ELOVL2: variants seen among roughly 807,000 people sequenced by gnomAD.
The protein encoded by ELOVL2 is very long chain fatty acid elongase 2.
A neutral mutation model predicts 37.7 loss-of-function variants in ELOVL2; 38 were observed. That is an observed-to-expected ratio of 1.01 (90% CI 0.78 to 1.32). The LOEUF (loss-of-function observed/expected upper bound fraction) is 1.32, where lower values mean the gene tolerates loss of function less well. ELOVL2 is among the 40% of genes most tolerant of loss of function. The pLI, the probability that ELOVL2 is intolerant of heterozygous loss-of-function variation, is 0.00. For synonymous variants in ELOVL2, 115 were observed against 122.3 expected (o/e 0.94, Z 0.40); for missense variants, 352 against 363.6 (o/e 0.97, Z 0.26).
intron 4 of ELOVL2, among the ~76,000 whole-genome samples, chr6:10,997,985 T>G (rs141447641): frequency 8.7e-4 from 133 of 152,210 alleles, no homozygotes; most frequent in African/African-American, 2.9e-3. Flanking sequence ...TGGGAGGTGT[T>G]TGTTTGGGTC....
At chr6:10,993,737 G>C (rs931152256) in intron 5 of ELOVL2, among the ~76,000 whole-genome samples, 3 of 151,988 alleles carry the variant, frequency 2.0e-5, no homozygotes, top group African/African-American at 7.3e-5. Context: ...TCCCAGGCTG[G>C]AGTGCAGTGG....
Position 10,981,946 on chromosome 6 carries a change from T to C in ELOVL2, c.*1835A>G, listed in dbSNP as rs1781942312. 6.6e-6 allele frequency: 1 copy of C among 152,250 alleles called. No individual in the cohort carries two copies. Among genetic ancestry groups the C allele is most frequent in the African/African-American group, 2.4e-5 (1 of 41,464 alleles). 9.4% of individuals were successfully genotyped at this position (152,250 alleles called of 1,614,324 possible). A position where few individuals can be genotyped will look rare whatever the true frequency, so the allele number is the denominator to read the frequency against. On this transcript the variant is annotated 3_prime_UTR_variant, in exon 8 of 8. Transcript: ENST00000354666. The stretch of plus-strand genomic sequence containing the variant: ...AGCCATTAACAGTCATGCTTGAAGC[T>C]AGCCCTTGTTTTAAAATAAATTGCT...
chr6:11,018,347 A>G (rs1782715712), intron 1 of ELOVL2, among the ~76,000 whole-genome samples: 3 of 152,204 alleles, frequency 2.0e-5, no homozygotes, highest in Admixed American at 2.0e-4. Context: ...GAATACTGGT[A>G]TTGCCTAGAA....
chr6:11,024,978 A>G (rs560956757), intron 1 of ELOVL2, among the ~76,000 whole-genome samples: 41 of 152,334 alleles, frequency 2.7e-4, no homozygotes, highest in African/African-American at 9.6e-4. Flanking sequence ...GAAGGGATAG[A>G]TTACCGCCCA....
chr6:11,022,129 A>C (rs1001806222), intron 1 of ELOVL2, among the ~76,000 whole-genome samples: 1 of 152,200 alleles, frequency 6.6e-6, no homozygotes, highest in Non-Finnish European at 1.5e-5. Context: ...GTGCCCTTGC[A>C]GTGCTTGTGA....
At chr6:10,993,544 C>A (rs1048295290) in intron 5 of ELOVL2, among the ~76,000 whole-genome samples, 11 of 152,170 alleles carry the variant, frequency 7.2e-5, no homozygotes, top group African/African-American at 2.7e-4. Flanking sequence ...TCATTTGAAA[C>A]CTGTTTCCCA....
At chr6:10,994,522 A>T (rs542563479) in intron 5 of ELOVL2, among the ~76,000 whole-genome samples, 1 of 152,150 alleles carries the variant, frequency 6.6e-6, no homozygotes, top group East Asian at 1.9e-4. Context: ...GTGATATAAA[A>T]TGTATTTCTT....
intron 3 of ELOVL2, among the ~76,000 whole-genome samples, chr6:11,001,946 C>T (rs1782393659): frequency 6.6e-6 from 1 of 152,236 alleles, no homozygotes; most frequent in Non-Finnish European, 1.5e-5. Flanking sequence ...AAGATGTTAA[C>T]ATCTGTTGCC....
At chr6:10,985,444 T>C (rs1280925736) in intron 7 of ELOVL2, among the ~76,000 whole-genome samples, 9 of 107,718 alleles carry the variant, frequency 8.4e-5, no homozygotes, top group Admixed American at 1.0e-4. Context: ...CCCATGCCTA[T>C]GTCCTGAATG....
chr6:11,004,257 A>G (rs756966957), intron 3 of ELOVL2, among the ~76,000 whole-genome samples: 1 of 152,080 alleles, frequency 6.6e-6, no homozygotes, highest in African/African-American at 2.4e-5. Context: ...TCTCAAGAGA[A>G]CTTTCATTTT....
rs1781969529 is a variant in ELOVL2, at chr6:10,983,072, G to A, written c.*709C>T. On this transcript the variant is annotated 3_prime_UTR_variant, in exon 8 of 8. Transcript: ENST00000354666. ...ACAGATGAATGATTAGGGAAACAGA[G>A]GAACAATCCTATCCACAGCCCCTGA... 6.6e-6 allele frequency: 1 copy of A among 152,180 alleles called. No homozygotes were observed. The highest frequency in any genetic ancestry group is 2.4e-5 in the African/African-American group (1 of 41,448). The allele number at this position is 152,180 out of a possible 1,614,324, so 9.4% of individuals were successfully genotyped here. A position where few individuals can be genotyped will look rare whatever the true frequency, so the allele number is the denominator to read the frequency against.
chr6:11,000,169 C>CAAAG lies in ELOVL2; in HGVS notation c.256-9_256-6dup, dbSNP rs756111033. 1.3e-5 allele frequency: 21 copies of CAAAG among 1,613,560 alleles called. No individual in the cohort carries two copies. The African/African-American group carries it at 2.8e-4, about 22-fold the overall frequency. ...TTCCCAAGTGGAGAGAATGAGCTGC[C>CAAAG]AAAGAACCAAGAAAGAAAGAAAAAC... On this transcript the variant is annotated splice_polypyrimidine_tract_variant and splice_region_variant and intron_variant, in intron 3 of 7. Transcript: ENST00000354666.
chr6:11,017,164 C>T (rs1202502329), intron 1 of ELOVL2, among the ~76,000 whole-genome samples: 1 of 152,174 alleles, frequency 6.6e-6, no homozygotes, highest in Admixed American at 6.5e-5. Flanking sequence ...AATAAGCTAA[C>T]CCTCATGGGG....
At chr6:10,986,744 G>A (rs1461462612) in intron 7 of ELOVL2, among the ~76,000 whole-genome samples, 30 of 145,604 alleles carry the variant, frequency 2.1e-4, no homozygotes, top group Admixed American at 1.1e-3. Context: ...TGCTGGATTC[G>A]GTTTGCCAGT....
chr6:11,013,860 C>A (rs975430500), intron 1 of ELOVL2, among the ~76,000 whole-genome samples: 6 of 126,508 alleles, frequency 4.7e-5, no homozygotes, highest in Non-Finnish European at 9.6e-5. Flanking sequence ...CCACGTCCCT[C>A]CACAAAGCAA....
chr6:11,023,499 C>T (rs969412705), intron 1 of ELOVL2, among the ~76,000 whole-genome samples: 1 of 152,132 alleles, frequency 6.6e-6, no homozygotes, highest in Non-Finnish European at 1.5e-5. Context: ...AAAATAGCTA[C>T]AGTATTTTGA....
chr6:11,032,807 G>C (rs1046675592), intron 1 of ELOVL2, among the ~76,000 whole-genome samples: 1 of 152,118 alleles, frequency 6.6e-6, no homozygotes, highest in Admixed American at 6.6e-5. Context: ...AGTAAACAAA[G>C]ATAAACAAGT....
chr6:11,010,874 A>G lies in ELOVL2; in HGVS notation c.4-65T>C, dbSNP rs1020190611. On this transcript the variant is annotated intron_variant, in intron 1 of 7. Coordinates refer to ENST00000354666, the MANE Select transcript of ELOVL2 (RefSeq NM_017770.4). ...TTCTTTTTTTGAAACGGTCAAAACA[A>G]GCCACTACCAACAACATGTAACTGA... is the stretch of plus-strand genomic sequence containing the variant. 5 of 1,251,988 alleles carry G rather than the reference A, an allele frequency of 4.0e-6. No homozygotes were observed. The Admixed American group carries it at 7.7e-5, about 19-fold the overall frequency. The allele number at this position is 1,251,988 out of a possible 1,614,324, so 77.6% of individuals were successfully genotyped here.
chr6:11,029,018 T>C (rs112418758), intron 1 of ELOVL2, among the ~76,000 whole-genome samples: 2,631 of 129,404 alleles, frequency 0.02, 81 homozygotes, highest in African/African-American at 0.074. Flanking sequence ...TTAAAAGAGG[T>C]AGCATGAGCC....
Sources: gnomAD v4.1 joint callset for allele counts (sites outside exome capture counted in the v4.1 genomes callset) on GRCh38, gnomAD v4.1.1 for gene constraint, MANE v1.5 for transcripts, NCBI Gene and HGNC (gene_info 2026-07-23, HGNC 2026-07-21) for gene names.